C1QTNF3: variants seen among roughly 807,000 people sequenced by gnomAD.
The protein encoded by C1QTNF3 is complement C1q tumor necrosis factor-related protein 3.
Under a neutral mutation model 32.6 loss-of-function variants are expected in C1QTNF3, and 26 were observed. The ratio of observed to expected loss-of-function variants is 0.80; its 90% confidence interval spans 0.58 to 1.11. The LOEUF (loss-of-function observed/expected upper bound fraction) is 1.11, where lower values mean the gene tolerates loss of function less well. Among genes scored for constraint, C1QTNF3 ranks in the 50% least tolerant of loss-of-function variants. The pLI, the probability that C1QTNF3 is intolerant of heterozygous loss-of-function variation, is 0.00. For synonymous variants in C1QTNF3, 155 were observed against 146.0 expected, an observed-to-expected ratio of 1.06 and a Z score of -0.44; for missense variants, 362 against 398.2, an observed-to-expected ratio of 0.91 and a Z score of 0.77.
the C1QTNF3 span, among the ~76,000 whole-genome samples, chr5:34,208,493 G>GT: frequency 2.2e-3 from 317 of 143,746 alleles, no homozygotes; most frequent in East Asian, 8.4e-3. Context: ...CTCTTTCACA[G>GT]TTTTTTTTTT....
the C1QTNF3 span, among the ~76,000 whole-genome samples, chr5:34,235,856 T>A: frequency 1.3e-3 from 192 of 152,394 alleles, no homozygotes; most frequent in East Asian, 0.033. Flanking sequence ...ATAGTGCTAG[T>A]TGCTTTGACA....
chr5:34,197,683 A>G, the C1QTNF3 span, among the ~76,000 whole-genome samples: 2 of 152,120 alleles, frequency 1.3e-5, no homozygotes, highest in Non-Finnish European at 2.9e-5. Flanking sequence ...TGACCCAGGC[A>G]GCATCCCCCG....
the C1QTNF3 span, among the ~76,000 whole-genome samples, chr5:34,107,729 G>A: frequency 6.6e-6 from 1 of 151,990 alleles, no homozygotes; most frequent in Non-Finnish European, 1.5e-5. Context: ...CTGACAGTCT[G>A]TTCTTTAGGT....
rs1425513186 is a variant in C1QTNF3 at position 34,019,708 on chromosome 5, A to AG, written c.*874dup. 2.0e-5 allele frequency: 3 copies of AG among 152,242 alleles called. No homozygotes were observed. Among genetic ancestry groups the AG allele is most frequent in the Admixed American group, 6.5e-5 (1 of 15,290 alleles). The allele number at this position is 152,242 out of a possible 1,614,324, so 9.4% of individuals were successfully genotyped here. A position where few individuals can be genotyped will look rare whatever the true frequency, so the allele number is the denominator to read the frequency against. On this transcript the variant is annotated 3_prime_UTR_variant, in exon 6 of 6. Coordinates refer to ENST00000382065, the MANE Select transcript of C1QTNF3 (RefSeq NM_181435.6). ...CAAGTTTAGAAAGTATCTTTAACAA[A>AG]GGTGTGTTTATTTCCATATATTGCT... is the stretch of plus-strand genomic sequence containing the variant.
the C1QTNF3 span, among the ~76,000 whole-genome samples, chr5:34,147,687 T>G: frequency 6.6e-6 from 1 of 151,186 alleles, no homozygotes; most frequent in African/African-American, 2.4e-5. Context: ...AAAAGAGTGG[T>G]GTGAATTGAA....
At chr5:34,154,049 A>T in the C1QTNF3 span, among the ~76,000 whole-genome samples, 4 of 151,700 alleles carry the variant, frequency 2.6e-5, no homozygotes, top group Non-Finnish European at 5.9e-5. Context: ...AAAAAATGTC[A>T]TTTGGTATAA....
At chr5:34,160,562 T>G in the C1QTNF3 span, among the ~76,000 whole-genome samples, 1 of 152,176 alleles carries the variant, frequency 6.6e-6, no homozygotes, top group African/African-American at 2.4e-5. Flanking sequence ...GGGGACGCAG[T>G]GTGGCGTAGC....
chr5:34,021,538 T>C (rs1754329587), intron 5 of C1QTNF3, among the ~76,000 whole-genome samples: 1 of 152,194 alleles, frequency 6.6e-6, no homozygotes, highest in South Asian at 2.1e-4. Flanking sequence ...AGAGCAGTGA[T>C]AAAGTTGATG....
chr5:34,050,245 GC>G, the C1QTNF3 span, among the ~76,000 whole-genome samples: 110 of 152,248 alleles, frequency 7.2e-4, no homozygotes, highest in African/African-American at 2.5e-3. Context: ...ACCCCAGTTA[GC>G]CAGTTACTTC....
the C1QTNF3 span, among the ~76,000 whole-genome samples, chr5:34,159,470 C>T: frequency 6.6e-6 from 1 of 151,934 alleles, no homozygotes; most frequent in African/African-American, 2.4e-5. Flanking sequence ...AAAAAGAATA[C>T]TCATTAACAA....
intron 4 of C1QTNF3, among the ~76,000 whole-genome samples, chr5:34,028,175 T>C (rs1754523425): frequency 6.6e-6 from 1 of 152,242 alleles, no homozygotes; most frequent in Admixed American, 6.5e-5. Flanking sequence ...GGTTTCACCA[T>C]GTCAGCCAGG....
chr5:34,050,300 T>C, the C1QTNF3 span, among the ~76,000 whole-genome samples: 1 of 152,170 alleles, frequency 6.6e-6, no homozygotes, highest in Non-Finnish European at 1.5e-5. Context: ...CTCCTAGTCA[T>C]TGTCTCCTTG....
the C1QTNF3 span, among the ~76,000 whole-genome samples, chr5:34,119,438 A>G: frequency 6.6e-6 from 1 of 152,136 alleles, no homozygotes; most frequent in Non-Finnish European, 1.5e-5. Flanking sequence ...CTCACAAGCA[A>G]CCGTCTCTCT....
In C1QTNF3 at chr5:34,026,572, C is replaced by T. The variant is rs1754466395; in HGVS notation, c.700+2182G>A. Among the ~76,000 whole-genome samples, 5 of 151,698 alleles carry T rather than the reference C, an allele frequency of 3.3e-5. No homozygotes were observed. The South Asian group carries it at 1.0e-3, about 32-fold the overall frequency. On this transcript the variant is annotated intron_variant, in intron 4 of 5. Transcript: ENST00000382065. The stretch of plus-strand genomic sequence containing the variant: ...GAAGCTTTCATGGACCCGGTGCAGT[C>T]TGGAGAGGTAGTGGAAGTGTGACCA...
the C1QTNF3 span, among the ~76,000 whole-genome samples, chr5:34,160,495 C>T: frequency 3.3e-5 from 5 of 152,126 alleles, no homozygotes; most frequent in Non-Finnish European, 5.9e-5. Context: ...AATTGGACTA[C>T]GAGGGAGCTG....
In C1QTNF3 at chr5:34,020,325, C is replaced by A; in HGVS notation, c.*258G>T. 1 of 357,884 alleles carries A rather than the reference C, an allele frequency of 2.8e-6. No individual in the cohort carries two copies. The highest frequency in any genetic ancestry group is 8.3e-5 in the South Asian group (1 of 12,110). 22.2% of individuals were successfully genotyped at this position (357,884 alleles called of 1,614,324 possible). A position where few individuals can be genotyped will look rare whatever the true frequency, so the allele number is the denominator to read the frequency against. ...CCAACCTGCGTCAGAGGAGAATTAT[C>A]TTTTAGGTGCCAAGGAAAGAGTGAT... On this transcript the variant is annotated 3_prime_UTR_variant, in exon 6 of 6. Coordinates refer to ENST00000382065, the MANE Select transcript of C1QTNF3 (RefSeq NM_181435.6).
chr5:34,131,641 A>G, the C1QTNF3 span, among the ~76,000 whole-genome samples: 1 of 152,212 alleles, frequency 6.6e-6, no homozygotes, highest in Admixed American at 6.5e-5. Flanking sequence ...GGGATGAGAG[A>G]AGGATAAAGA....
intron 2 of C1QTNF3, among the ~76,000 whole-genome samples, chr5:34,034,760 T>C (rs1754695316): frequency 6.6e-6 from 1 of 152,208 alleles, no homozygotes; most frequent in African/African-American, 2.4e-5. Context: ...GCCCTACCCC[T>C]ACATCATTGC....
the C1QTNF3 span, among the ~76,000 whole-genome samples, chr5:34,075,134 G>A: frequency 6.6e-6 from 1 of 151,710 alleles, no homozygotes; most frequent in African/African-American, 2.4e-5. Context: ...CCATAACTGT[G>A]TCATTATATC....
Sources: allele counts gnomAD v4.1 joint callset (sites outside exome capture counted in the v4.1 genomes callset), GRCh38; gene constraint gnomAD v4.1.1; transcripts MANE v1.5; gene names NCBI Gene and HGNC (gene_info 2026-07-23, HGNC 2026-07-21).